CCNL2: variants seen among roughly 807,000 people sequenced by gnomAD.
CCNL2 encodes cyclin L2.
In CCNL2, 28 loss-of-function variants were observed where a neutral mutation model predicts 59.1. The ratio of observed to expected loss-of-function variants is 0.47; its 90% CI spans 0.35 to 0.65. The LOEUF is 0.65. CCNL2 is among the 30% of genes least tolerant of loss of function. CCNL2 has a pLI of 0.00. For missense variants in CCNL2, 714 were observed against 717.4 expected (o/e 1.00, Z 0.05); for synonymous variants, 342 against 288.6 (o/e 1.19, Z -1.88).
At chr1:1,391,246 A>C in intron 5 of CCNL2, 1 of 1,102,824 alleles carries the variant, frequency 9.1e-7, no homozygotes, top group Non-Finnish European at 1.1e-6. Context: ...AACGCTTTTG[A>C]TTAAAGAAAT....
chr1:1,398,706 C>G (rs775332709), intron 1 of CCNL2, 35 bp from the exon 2 acceptor site: 4 of 1,589,848 alleles, frequency 2.5e-6, no homozygotes, highest in Non-Finnish European at 3.5e-6. Flanking sequence ...TTTTCAAACG[C>G]ACCATTCAAA....
intron 3 of CCNL2, among the ~76,000 whole-genome samples, chr1:1,396,741 G>C (rs999687926): frequency 6.7e-6 from 1 of 150,022 alleles, no homozygotes; most frequent in African/African-American, 2.5e-5. Context: ...AACCACACCC[G>C]GCTAATTTTT....
intron 8 of CCNL2, chr1:1,388,427 A>T: frequency 2.3e-6 from 1 of 430,264 alleles, no homozygotes. Context: ...AGGCTGAAGC[A>T]GAAGAATCGC....
At chr1:1,392,512 T>C in intron 5 of CCNL2, 1 of 1,315,098 alleles carries the variant, frequency 7.6e-7, no homozygotes, top group South Asian at 2.3e-5. Context: ...AGAAAGGTAC[T>C]GCATCTTTAT....
At chr1:1,398,510 C>T in intron 2 of CCNL2, 87 bp downstream of exon 2, 2 of 1,574,322 alleles carry the variant, frequency 1.3e-6, no homozygotes, top group South Asian at 1.1e-5. Flanking sequence ...GGGGCAAGTA[C>T]TCACTCCCTT....
chr1:1,392,538 G>C, intron 5 of CCNL2: 3 of 1,382,158 alleles, frequency 2.2e-6, no homozygotes, highest in Non-Finnish European at 2.8e-6. Context: ...AGGTACAGCA[G>C]TTTTAAAGGG....
chr1:1,397,687 C>G (rs540425636), intron 3 of CCNL2, among the ~76,000 whole-genome samples: 79 of 152,208 alleles, frequency 5.2e-4, no homozygotes, highest in African/African-American at 1.8e-3. Context: ...CACAGCATGA[C>G]CCCATCTTTA....
rs375144531 is a variant in CCNL2, at chr1:1,398,323, A to C, written c.383T>G (p.Val128Gly). The C allele has an allele frequency of 2.4e-5, 39 of 1,614,034 alleles. No homozygotes were observed. The highest frequency in any genetic ancestry group is 3.0e-5 in the Non-Finnish European group (35 of 1,180,018). ...HSMEHVSMACVHLASKIEEAP... is the reference protein window; with the variant it reads ...HSMEHVSMACGHLASKIEEAP... ...CTCTTCTATCTTGGAAGCCAGGTGGACACAGGCCATTGACACATGCTGAAG... is the reference window on the plus strand; with the variant it reads ...CTCTTCTATCTTGGAAGCCAGGTGGCCACAGGCCATTGACACATGCTGAAG... The change falls in exon 3 of 11, where the codon GTC (valine) becomes GGC (glycine). Residue 128 changes from valine (V) to glycine (G), a missense_variant. By Grantham distance (109) the Val-to-Gly change is moderately radical. Transcript: ENST00000400809.
chr1:1,395,427 C>T lies in CCNL2; in HGVS notation c.561G>A (p.Leu187=), dbSNP rs551942468. The change falls in exon 4 of 11, where the codon TTG becomes TTA. Residue 187 remains leucine (L), a synonymous_variant. Transcript: ENST00000400809. ...GATGCTTCACATGGACGCAGAAACC[C>T]AACTCTTTGAGAACTCGTCTTTCCG... The part of the protein sequence containing the change: ...IKAERRVLKE[L]GFCVHVKHPH... 1.2e-6 allele frequency: 2 copies of T among 1,614,196 alleles called. No homozygotes were observed. Among genetic ancestry groups the T allele is most frequent in the South Asian group, 1.1e-5 (1 of 91,088 alleles).
In CCNL2 at chr1:1,398,241, T is replaced by C. The variant is rs1329321218; in HGVS notation, c.465A>G (p.Arg155=). 2 of 1,614,090 alleles carry C rather than the reference T, an allele frequency of 1.2e-6. No homozygotes were observed. Among genetic ancestry groups the C allele is most frequent in the Non-Finnish European group, 1.7e-6 (2 of 1,180,026 alleles). The change falls in exon 3 of 11, where the codon AGA becomes AGG. Residue 155 remains arginine, a synonymous_variant. Coordinates refer to ENST00000400809, the MANE Select transcript of CCNL2 (RefSeq NM_030937.6). ...INVFHRLRQL[R]DKKKPVPLLL... ...AGCTCTGACTGACTCACTTTTTGTC[T>C]CTCAGCTGTCGAAGGCGGTGAAACA...
intron 4 of CCNL2, among the ~76,000 whole-genome samples, chr1:1,395,014 C>T (rs989625784): frequency 2.6e-5 from 4 of 150,986 alleles, no homozygotes; most frequent in African/African-American, 9.8e-5. Flanking sequence ...ACTGCCACTG[C>T]CACCATGCCA....
In CCNL2 at chr1:1,386,140, C is replaced by T. The variant is rs1339144087; in HGVS notation, c.*1091G>A. The T allele has an allele frequency of 6.6e-6, 1 of 152,234 alleles. No homozygotes were observed. Among genetic ancestry groups the T allele is most frequent in the African/African-American group, 2.4e-5 (1 of 41,444 alleles). 9.4% of individuals were successfully genotyped at this position (152,234 alleles called of 1,614,324 possible). A position where few individuals can be genotyped will look rare whatever the true frequency, so the allele number is the denominator to read the frequency against. ...GGCACTCAGAGTGCAGGTGCCACCC[C>T]CGTGGGGTGACCCTCCAAGTGTCCT... On this transcript the variant is annotated 3_prime_UTR_variant, in exon 11 of 11. Coordinates refer to ENST00000400809, the MANE Select transcript of CCNL2 (RefSeq NM_030937.6).
At chr1:1,395,822 T>A (rs1298601880) in intron 3 of CCNL2, among the ~76,000 whole-genome samples, 4 of 152,136 alleles carry the variant, frequency 2.6e-5, no homozygotes, top group African/African-American at 2.4e-5. Flanking sequence ...TTTATGTGAC[T>A]CACGATAGGA....
Position 1,386,395 on chromosome 1 carries a change from A to T in CCNL2, c.*836T>A, listed in dbSNP as rs993403092. ...AATCCAAAACTTCAGTACAGCAGGG[A>T]GCAAGGAGCCCGGAAGTGGGCGCAC... is the stretch of plus-strand genomic sequence containing the variant. On this transcript the variant is annotated 3_prime_UTR_variant, in exon 11 of 11. Transcript: ENST00000400809. 3.9e-5 allele frequency: 6 copies of T among 152,476 alleles called. No homozygotes were observed. The highest frequency in any genetic ancestry group is 7.3e-5 in the Non-Finnish European group (5 of 68,080). 9.4% of individuals were successfully genotyped at this position (152,476 alleles called of 1,614,324 possible).
In CCNL2 at chr1:1,399,129, G is replaced by C; in HGVS notation, c.178C>G (p.Arg60Gly). ...ENCLLPDDKLRFTPSMSSGLD... is the reference protein window; with the variant it reads ...ENCLLPDDKLGFTPSMSSGLD... ...CCGCTCGACATGGACGGCGTGAAAC[G>C]GAGCTTGTCGTCAGGCAGGAGGCAG... Residue 60 changes from arginine (R) to glycine (G), a missense_variant, in exon 1 of 11, where the codon CGT becomes GGT. Arg to Gly is a moderately radical substitution (Grantham distance 125). Around this residue, in one of 5 missense-constraint regions of CCNL2, gnomAD observed 270 missense variants for 254.9 expected, o/e 1.06. Transcript: ENST00000400809. 1 of 1,612,078 alleles carries C rather than the reference G, an allele frequency of 6.2e-7. No individual in the cohort carries two copies. The highest frequency in any genetic ancestry group is 1.1e-5 in the South Asian group (1 of 90,976).
chr1:1,391,042 C>T, intron 5 of CCNL2, 177 bp from the exon 6 acceptor site: 1 of 971,444 alleles, frequency 1.0e-6, no homozygotes, highest in Non-Finnish European at 1.5e-6. Context: ...ATTCTAGCTG[C>T]TTTTTCTAAA....
chr1:1,386,877 G>A lies in CCNL2; in HGVS notation c.*354C>T, dbSNP rs535101538. 101 of 255,560 alleles carry A rather than the reference G, an allele frequency of 4.0e-4. No homozygotes were observed. The highest frequency in any genetic ancestry group is 2.0e-3 in the African/African-American group (90 of 45,248). The allele number at this position is 255,560 out of a possible 1,614,324, so 15.8% of individuals were successfully genotyped here. ...TTCACGTAATTGAGTATCAGTCGGGGAGTGGAGAGCGGCTGCCGATAGCAC... is the reference window on the plus strand; with the variant it reads ...TTCACGTAATTGAGTATCAGTCGGGAAGTGGAGAGCGGCTGCCGATAGCAC... On this transcript the variant is annotated 3_prime_UTR_variant, in exon 11 of 11. Transcript: ENST00000400809.
At chr1:1,394,827 G>A (rs935605822) in intron 4 of CCNL2, among the ~76,000 whole-genome samples, 1 of 150,804 alleles carries the variant, frequency 6.6e-6, no homozygotes, top group Non-Finnish European at 1.5e-5. Flanking sequence ...GGGAGGCCAA[G>A]GTGGGAGGAT....
rs779155387 is a variant in CCNL2, at chr1:1,398,968, G to A, written c.288+51C>T. 12 of 1,520,382 alleles carry A rather than the reference G, an allele frequency of 7.9e-6. No homozygotes were observed. The South Asian group carries it at 1.1e-4, about 14-fold the overall frequency. The allele number at this position is 1,520,382 out of a possible 1,614,324, so 94.2% of individuals were successfully genotyped here. A position where few individuals can be genotyped will look rare whatever the true frequency, so the allele number is the denominator to read the frequency against. On this transcript the variant is annotated intron_variant, in intron 1 of 10. Transcript: ENST00000400809. Reference sequence around the variant, plus strand: ...GCCCGACTCGCCGCCAACAAAGGCGGCTGCCGCCCCAGCGGTTACCTGGGC... The same window carrying A: ...GCCCGACTCGCCGCCAACAAAGGCGACTGCCGCCCCAGCGGTTACCTGGGC...
Sources: allele counts gnomAD v4.1 joint callset (sites outside exome capture counted in the v4.1 genomes callset), GRCh38; gene constraint gnomAD v4.1.1; regional missense constraint gnomAD v4.1.1; transcripts MANE v1.5; gene names NCBI Gene and HGNC (gene_info 2026-07-23, HGNC 2026-07-21).